Variants in ITPRID1 observed in about 807,000 individuals in gnomAD.
ITPRID1 encodes protein ITPRID1.
ITPRID1 carries 96 observed loss-of-function variants against 95.4 expected under a neutral mutation model. The observed-to-expected ratio is 1.01, with a 90% confidence interval of 0.85 to 1.19. The LOEUF is 1.19. Among genes scored for constraint, ITPRID1 ranks in the 50% most tolerant of loss-of-function variants. ITPRID1 has a pLI of 0.00. For synonymous variants in ITPRID1, 510 were observed against 453.6 expected (o/e 1.12, Z -1.58); for missense variants, 1,339 against 1,252.9 (o/e 1.07, Z -1.04).
intron 10 of ITPRID1, among the ~76,000 whole-genome samples, chr7:31,630,405 A>T (rs1239331423): frequency 6.6e-6 from 1 of 152,164 alleles, no homozygotes; most frequent in Non-Finnish European, 1.5e-5. Flanking sequence ...GGCCTACTTA[A>T]ATGTGAAGTT....
intron 10 of ITPRID1, among the ~76,000 whole-genome samples, chr7:31,590,417 C>G (rs552643671): frequency 6.6e-6 from 1 of 152,228 alleles, no homozygotes; most frequent in South Asian, 2.1e-4. Context: ...CCAAGAAATA[C>G]TACATAGATG....
At chr7:31,575,071 A>G (rs1785132726) in intron 8 of ITPRID1, among the ~76,000 whole-genome samples, 1 of 152,196 alleles carries the variant, frequency 6.6e-6, no homozygotes. Context: ...ACTTACACAC[A>G]GCGGGTCTTG....
chr7:31,537,095 TTGTGTGTGTGTGTG>T (rs66543091), intron 1 of ITPRID1, among the ~76,000 whole-genome samples: 35 of 145,674 alleles, frequency 2.4e-4, no homozygotes, highest in Middle Eastern at 6.9e-3. Flanking sequence ...GGTGTGTGTG[TTGTGTGTGTGTGTG>T]TGTGTGTGTG....
intron 10 of ITPRID1, among the ~76,000 whole-genome samples, chr7:31,621,208 C>T (rs1318145765): frequency 6.6e-6 from 1 of 151,976 alleles, no homozygotes; most frequent in African/African-American, 2.4e-5. Context: ...GGAGAACTTC[C>T]CCAATCTAGC....
chr7:31,649,715 C>T (rs1308750875), intron 12 of ITPRID1, among the ~76,000 whole-genome samples: 1 of 152,086 alleles, frequency 6.6e-6, no homozygotes, highest in East Asian at 1.9e-4. Context: ...AGTTCTGGGT[C>T]ATGGATTTCA....
chr7:31,658,320 A>G, downstream of ITPRID1: 1 of 1,524,692 alleles, frequency 6.6e-7, no homozygotes, highest in Non-Finnish European at 8.8e-7. Context: ...CTTCAAAAGC[A>G]AATAACTCTG....
Position 31,583,168 on chromosome 7 carries a change from TTGACA to T in ITPRID1, c.1210_1214del (p.Met404PhefsTer13). 6.2e-7 allele frequency: 1 copy of T among 1,611,596 alleles called. No individual in the cohort carries two copies. The highest frequency in any genetic ancestry group is 8.5e-7 in the Non-Finnish European group (1 of 1,178,076). On this transcript the variant is annotated frameshift_variant, in exon 10 of 15. Transcript: ENST00000615280. LOFTEE classifies it high-confidence loss of function. Reference sequence around the variant, plus strand: ...TTTGAAGAAGAGACTGGTAATCCTCTTGACATGACTTCAGGAACTGTAGGTAAGAA... The same window carrying T: ...TTTGAAGAAGAGACTGGTAATCCTCTTGACTTCAGGAACTGTAGGTAAGAA...
chr7:31,611,050 C>A (rs1339773299), intron 10 of ITPRID1, among the ~76,000 whole-genome samples: 1 of 150,734 alleles, frequency 6.6e-6, no homozygotes, highest in Non-Finnish European at 1.5e-5. Flanking sequence ...ACCATTACTG[C>A]ATTTTTGAGT....
rs975282996 is a variant in ITPRID1 at position 31,651,344 on chromosome 7, C to G, written c.2711+75C>G. On this transcript the variant is annotated intron_variant, in intron 13 of 14. Coordinates refer to ENST00000615280, the MANE Select transcript of ITPRID1 (RefSeq NM_001257967.3). The stretch of plus-strand genomic sequence containing the variant: ...AGCAAGGAAGATAATCAGGGCAGAA[C>G]AGAGGAGCACCCTGGAGCAGAGCTA... The G allele has an allele frequency of 8.6e-6, 13 of 1,518,028 alleles. No homozygotes were observed. In the East Asian group the frequency reaches 2.8e-4, roughly 33 times the overall value. 94.0% of individuals were successfully genotyped at this position (1,518,028 alleles called of 1,614,324 possible).
At chr7:31,519,612 C>CTA (rs1271078923) in intron 1 of ITPRID1, among the ~76,000 whole-genome samples, 17 of 46,864 alleles carry the variant, frequency 3.6e-4, no homozygotes, top group African/African-American at 1.1e-3. Context: ...CTCTCTCTCT[C>CTA]TCTCTCTCTA....
At chr7:31,587,682 G>T (rs1785678822) in intron 10 of ITPRID1, among the ~76,000 whole-genome samples, 1 of 151,510 alleles carries the variant, frequency 6.6e-6, no homozygotes, top group African/African-American at 2.4e-5. Flanking sequence ...GCGTCACCAA[G>T]GCAATCCTAA....
chr7:31,617,782 T>TAAAG (rs1787405973), intron 10 of ITPRID1, among the ~76,000 whole-genome samples: 1 of 152,070 alleles, frequency 6.6e-6, no homozygotes, highest in East Asian at 1.9e-4. Context: ...TTGAAGATAA[T>TAAAG]AAAGATAAAA....
chr7:31,555,544 G>GA (rs35560661), intron 5 of ITPRID1, among the ~76,000 whole-genome samples: 1 of 150,654 alleles, frequency 6.6e-6, no homozygotes, highest in Non-Finnish European at 1.5e-5. Flanking sequence ...GTACCATTTA[G>GA]AAAAAAAAAA....
At position 31,655,261 on chromosome 7, in the gene ITPRID1, CCA is replaced by C. The variant is rs368625615; in HGVS notation, c.*2435_*2436del. Among the ~76,000 whole-genome samples, 23 of 152,286 alleles carry C rather than the reference CCA, an allele frequency of 1.5e-4. No homozygotes were observed. The East Asian group carries it at 4.4e-3, about 29-fold the overall frequency. ...CTTTCTCCTTGCTGCAGGCTCAGTGCCACAGTGTGCATGGTCTCCTGCCCCTC... is the reference window on the plus strand; with the variant it reads ...CTTTCTCCTTGCTGCAGGCTCAGTGCCAGTGTGCATGGTCTCCTGCCCCTC... On this transcript the variant is annotated 3_prime_UTR_variant, in exon 15 of 15. Coordinates refer to ENST00000615280, the MANE Select transcript of ITPRID1 (RefSeq NM_001257967.3).
intron 6 of ITPRID1, among the ~76,000 whole-genome samples, chr7:31,571,225 A>C (rs536222381): frequency 6.6e-6 from 1 of 152,012 alleles, no homozygotes; most frequent in African/African-American, 2.4e-5. Flanking sequence ...AGGGGGTTTC[A>C]CCATCTTGGC....
intron 4 of ITPRID1, 39 bp from the exon 5 acceptor site, chr7:31,554,819 A>G: frequency 6.7e-7 from 1 of 1,485,908 alleles, no homozygotes; most frequent in African/African-American, 1.4e-5. Flanking sequence ...ATTTATTTAC[A>G]CACATTGTTT....
At chr7:31,545,897 A>G (rs1784081073) in intron 1 of ITPRID1, among the ~76,000 whole-genome samples, 1 of 152,148 alleles carries the variant, frequency 6.6e-6, no homozygotes, top group African/African-American at 2.4e-5. Context: ...GAGGGAGAGC[A>G]GAAGGACATT....
chr7:31,533,732 A>G (rs1783672992), intron 1 of ITPRID1, among the ~76,000 whole-genome samples: 1 of 152,156 alleles, frequency 6.6e-6, no homozygotes. Context: ...TGGTCATTTA[A>G]AGCATTATGG....
chr7:31,536,332 C>T (rs1182269532), intron 1 of ITPRID1, among the ~76,000 whole-genome samples: 1 of 152,026 alleles, frequency 6.6e-6, no homozygotes, highest in Non-Finnish European at 1.5e-5. Context: ...TTTTTTCCAA[C>T]ATTTTTCAAT....
Sources: gnomAD v4.1 joint callset for allele counts (sites outside exome capture counted in the v4.1 genomes callset) on GRCh38, gnomAD v4.1.1 for gene constraint, MANE v1.5 for transcripts, NCBI Gene and HGNC (gene_info 2026-07-23, HGNC 2026-07-21) for gene names.